CDH13: variants seen among roughly 807,000 people sequenced by gnomAD.
The protein encoded by CDH13 is cadherin 13.
CDH13 carries 24 observed loss-of-function variants against 63.8 expected under a neutral mutation model. The observed-to-expected ratio is 0.38, with a 90% CI of 0.27 to 0.53. CDH13 has a LOEUF of 0.53. Among genes scored for constraint, CDH13 ranks in the 20% least tolerant of loss-of-function variants. The probability of loss-of-function intolerance (pLI) is 0.85; values close to 1 mark genes in which losing one functional copy is unlikely to be tolerated. For missense variants in CDH13, 1,049 were observed against 903.1 expected, an observed-to-expected ratio of 1.16 and a Z score of -2.07; for synonymous variants, 503 against 355.3, an observed-to-expected ratio of 1.42 and a Z score of -4.67.
chr16:83,323,547 C>G (rs2090288357), intron 5 of CDH13, among the ~76,000 whole-genome samples: 1 of 152,070 alleles, frequency 6.6e-6, no homozygotes, highest in South Asian at 2.1e-4. Flanking sequence ...TCCCAAAGTG[C>G]TGGGATTACA....
At chr16:82,769,998 G>C (rs2035201405) in intron 1 of CDH13, among the ~76,000 whole-genome samples, 1 of 152,190 alleles carries the variant, frequency 6.6e-6, no homozygotes, top group African/African-American at 2.4e-5. Flanking sequence ...AGATTTCCCT[G>C]TTCTTGAATT....
At chr16:83,762,217 A>G (rs1412897820) in intron 11 of CDH13, among the ~76,000 whole-genome samples, 1 of 152,192 alleles carries the variant, frequency 6.6e-6, no homozygotes, top group Non-Finnish European at 1.5e-5. Flanking sequence ...ATAGATTAAT[A>G]AGTTGTGACC....
chr16:83,517,670 A>G (rs1834354061), intron 7 of CDH13, among the ~76,000 whole-genome samples: 1 of 152,208 alleles, frequency 6.6e-6, no homozygotes, highest in Admixed American at 6.5e-5. Context: ...GACAGTCTGG[A>G]AAACAATGTG....
chr16:83,788,307 C>G (rs1240282895), intron 13 of CDH13, among the ~76,000 whole-genome samples: 1 of 152,146 alleles, frequency 6.6e-6, no homozygotes, highest in East Asian at 1.9e-4. Flanking sequence ...TGTTAAAATA[C>G]AGATTTCCAG....
chr16:82,877,095 T>G (rs2040531654), intron 2 of CDH13, among the ~76,000 whole-genome samples: 1 of 152,170 alleles, frequency 6.6e-6, no homozygotes, highest in Non-Finnish European at 1.5e-5. Context: ...TCAGCAACAT[T>G]CCAGAAGATG....
At chr16:82,913,409 C>T (rs9933027) in intron 2 of CDH13, among the ~76,000 whole-genome samples, 3,416 of 152,216 alleles carry the variant, frequency 0.022, 113 homozygotes, top group African/African-American at 0.078. Flanking sequence ...GGAGCCTTTT[C>T]TTTCCCAGAT....
At chr16:82,667,237 G>A (rs982283390) in intron 1 of CDH13, among the ~76,000 whole-genome samples, 59 of 152,200 alleles carry the variant, frequency 3.9e-4, no homozygotes, top group African/African-American at 1.4e-3. Context: ...CCATAAAGCA[G>A]AGAGCTTATA....
intron 1 of CDH13, among the ~76,000 whole-genome samples, chr16:82,684,745 G>A (rs1013949974): frequency 1.1e-4 from 17 of 152,076 alleles, no homozygotes; most frequent in Non-Finnish European, 2.4e-4. Flanking sequence ...GGTACAGAAA[G>A]CACGGCATTT....
chr16:82,752,338 A>G (rs974108887), intron 1 of CDH13, among the ~76,000 whole-genome samples: 4 of 152,170 alleles, frequency 2.6e-5, no homozygotes, highest in Non-Finnish European at 4.4e-5. Context: ...GCAGAAAGGA[A>G]TCTTTCCCTG....
chr16:82,696,459 G>C (rs574338376), intron 1 of CDH13, among the ~76,000 whole-genome samples: 1 of 152,260 alleles, frequency 6.6e-6, no homozygotes, highest in South Asian at 2.1e-4. Flanking sequence ...TAGTCACAAG[G>C]TCTTTGACAT....
In CDH13 at chr16:83,795,266, G is replaced by A. The variant is rs1751419285; in HGVS notation, c.*236G>A. On this transcript the variant is annotated 3_prime_UTR_variant, in exon 14 of 14. Transcript: ENST00000567109. ...TCTGAATTTTCCCTGAATGTTTAAAGATCATGACATATGACTTGATCTTCT... is the reference window on the plus strand; with the variant it reads ...TCTGAATTTTCCCTGAATGTTTAAAAATCATGACATATGACTTGATCTTCT... The A allele has an allele frequency of 1.9e-6, 1 of 529,614 alleles. No individual in the cohort carries two copies. The highest frequency in any genetic ancestry group is 1.9e-5 in the African/African-American group (1 of 52,450). 32.8% of individuals were successfully genotyped at this position (529,614 alleles called of 1,614,324 possible).
chr16:83,088,071 G>A (rs1468850865), intron 3 of CDH13, among the ~76,000 whole-genome samples: 1 of 152,106 alleles, frequency 6.6e-6, no homozygotes, highest in Non-Finnish European at 1.5e-5. Context: ...TGAAAGTAAT[G>A]GCAAATACTT....
rs374589372 is a variant in CDH13 at position 83,009,111 on chromosome 16, T to A, written c.158-22899T>A. On this transcript the variant is annotated intron_variant, in intron 2 of 13. Transcript: ENST00000567109. ...CCCCATGTGGGGATTATGGAAAGTATAATTCAAGATGAAATATGGGTGAAG... is the reference window on the plus strand; with the variant it reads ...CCCCATGTGGGGATTATGGAAAGTAAAATTCAAGATGAAATATGGGTGAAG... 2.6e-5 allele frequency among the ~76,000 whole-genome samples: 4 copies of A among 152,356 alleles called. No homozygotes were observed. In the East Asian group the frequency reaches 7.7e-4, roughly 29 times the overall value.
chr16:83,008,100 T>C (rs1016840103), intron 2 of CDH13, among the ~76,000 whole-genome samples: 5 of 152,238 alleles, frequency 3.3e-5, no homozygotes, highest in African/African-American at 1.2e-4. Context: ...AGAGCTACCA[T>C]GTATGAGGTA....
At chr16:83,065,806 G>C (rs984545297) in intron 3 of CDH13, among the ~76,000 whole-genome samples, 1 of 151,908 alleles carries the variant, frequency 6.6e-6, no homozygotes, top group Non-Finnish European at 1.5e-5. Context: ...TCTTCCTACT[G>C]TCTTTGGGTG....
chr16:83,442,499 T>A (rs10514569), intron 6 of CDH13, among the ~76,000 whole-genome samples: 1 of 152,214 alleles, frequency 6.6e-6, no homozygotes, highest in African/African-American at 2.4e-5. Flanking sequence ...CTTGGAGAAC[T>A]CAGTGATGGA....
intron 11 of CDH13, among the ~76,000 whole-genome samples, chr16:83,759,461 CAT>C (rs1913778424): frequency 6.6e-6 from 1 of 151,674 alleles, no homozygotes; most frequent in Admixed American, 6.6e-5. Context: ...CATATGAGAA[CAT>C]ATATGTCCTT....
At chr16:83,277,098 A>G (rs1307000554) in intron 5 of CDH13, among the ~76,000 whole-genome samples, 1 of 152,188 alleles carries the variant, frequency 6.6e-6, no homozygotes, top group East Asian at 1.9e-4. Context: ...GCCAAATCAT[A>G]TCACAGAACT....
chr16:83,255,305 T>TCCTGCTCCA, intron 5 of CDH13, among the ~76,000 whole-genome samples: 1 of 152,320 alleles, frequency 6.6e-6, no homozygotes, highest in Admixed American at 6.5e-5. Flanking sequence ...CTGCCGGGCC[T>TCCTGCTCCA]CCTGCTCCAT....
Sources: gnomAD v4.1 joint callset for allele counts (sites outside exome capture counted in the v4.1 genomes callset) on GRCh38, gnomAD v4.1.1 for gene constraint, MANE v1.5 for transcripts, NCBI Gene and HGNC (gene_info 2026-07-23, HGNC 2026-07-21) for gene names.